The following CFAP299 variants were observed in gnomAD, a reference collection of about 807,000 sequenced individuals.
CFAP299 encodes the protein cilia and flagella associated protein 299.
CFAP299 carries 21 observed loss-of-function variants against 27.0 expected under a neutral mutation model. That is an observed-to-expected ratio of 0.78 (90% confidence interval 0.55 to 1.12). The LOEUF (loss-of-function observed/expected upper bound fraction) is 1.12. Ranked by LOEUF, CFAP299 falls within the 50% of genes most tolerant of loss-of-function variation. CFAP299 has a pLI of 0.00. For missense variants in CFAP299, 310 were observed against 276.6 expected, an observed-to-expected ratio of 1.12 and a Z score of -0.86; for synonymous variants, 104 against 98.1, an observed-to-expected ratio of 1.06 and a Z score of -0.36.
intron 3 of CFAP299, among the ~76,000 whole-genome samples, chr4:80,748,559 G>C (rs1724748175): frequency 6.6e-6 from 1 of 151,814 alleles, no homozygotes; most frequent in Non-Finnish European, 1.5e-5. Context: ...ACATAATACT[G>C]GTTCAAAACA....
intron 2 of CFAP299, among the ~76,000 whole-genome samples, chr4:80,575,573 T>C (rs954207988): frequency 2.0e-4 from 31 of 152,114 alleles, no homozygotes; most frequent in African/African-American, 7.5e-4. Flanking sequence ...TTGCTGATTG[T>C]ATCTTTTCAA....
At chr4:80,802,303 G>A (rs1728652154) in intron 3 of CFAP299, among the ~76,000 whole-genome samples, 1 of 151,932 alleles carries the variant, frequency 6.6e-6, no homozygotes, top group African/African-American at 2.4e-5. Flanking sequence ...TTTGAGGCCT[G>A]GCTTTACTCA....
chr4:80,851,130 G>T (rs1328246115), intron 3 of CFAP299, among the ~76,000 whole-genome samples: 1 of 152,040 alleles, frequency 6.6e-6, no homozygotes, highest in Non-Finnish European at 1.5e-5. Context: ...CTCAAAACTG[G>T]AGATAAACGA....
At chr4:80,714,648 A>AAT (rs1453114314) in intron 3 of CFAP299, among the ~76,000 whole-genome samples, 1 of 152,112 alleles carries the variant, frequency 6.6e-6, no homozygotes, top group Non-Finnish European at 1.5e-5. Context: ...GCTCTCCTTT[A>AAT]ACATTGGCAG....
intron 2 of CFAP299, among the ~76,000 whole-genome samples, chr4:80,435,083 G>A (rs1187357437): frequency 6.6e-6 from 1 of 152,180 alleles, no homozygotes; most frequent in African/African-American, 2.4e-5. Context: ...TAATTTCACA[G>A]AGAGTACTAT....
At chr4:80,401,483 G>A (rs1017870948) in intron 2 of CFAP299, among the ~76,000 whole-genome samples, 1 of 152,212 alleles carries the variant, frequency 6.6e-6, no homozygotes, top group African/African-American at 2.4e-5. Context: ...TTCAGAGGGG[G>A]GAAGCCCCAA....
intron 3 of CFAP299, among the ~76,000 whole-genome samples, chr4:80,828,089 A>C (rs1730084460): frequency 2.6e-5 from 4 of 152,086 alleles, no homozygotes; most frequent in Non-Finnish European, 5.9e-5. Flanking sequence ...ATGGAGCGAA[A>C]GACAGTATTG....
intron 3 of CFAP299, among the ~76,000 whole-genome samples, chr4:80,678,372 A>G (rs1045628507): frequency 3.3e-5 from 5 of 152,156 alleles, no homozygotes; most frequent in African/African-American, 9.6e-5. Flanking sequence ...TGTTTTTTCC[A>G]TCACAAACTA....
At chr4:80,606,422 C>G (rs996033427) in intron 3 of CFAP299, among the ~76,000 whole-genome samples, 2 of 152,114 alleles carry the variant, frequency 1.3e-5, no homozygotes, top group Admixed American at 1.3e-4. Flanking sequence ...GTAATCCCAG[C>G]TACTCGGGGG....
chr4:80,756,631 C>T, intron 3 of CFAP299, among the ~76,000 whole-genome samples: 1 of 151,878 alleles, frequency 6.6e-6, no homozygotes, highest in Admixed American at 6.6e-5. Context: ...TTTCAATGTC[C>T]ATACATAAAG....
rs60424138 is a variant in CFAP299 at position 80,791,769 on chromosome 4, A to G, written c.334-78224A>G. The stretch of plus-strand genomic sequence containing the variant: ...GTATTTTTACCTGAAGAAATGATCA[A>G]CATAAAATGTAGAATCTCATTGAAA... On this transcript the variant is annotated intron_variant, in intron 3 of 5. Transcript: ENST00000358105. Among the ~76,000 whole-genome samples the G allele has an allele frequency of 8.7e-3, 1,319 of 152,066 alleles. 19 individuals carry two copies. The highest frequency in any genetic ancestry group is 0.03 in the African/African-American group (1,246 of 41,518).
At chr4:80,465,449 G>A (rs566246906) in intron 2 of CFAP299, among the ~76,000 whole-genome samples, 2 of 152,306 alleles carry the variant, frequency 1.3e-5, no homozygotes, top group South Asian at 2.1e-4. Context: ...GTTGCAGAGG[G>A]TTATAGAGGC....
At chr4:80,829,575 G>A (rs1420500330) in intron 3 of CFAP299, among the ~76,000 whole-genome samples, 1 of 151,980 alleles carries the variant, frequency 6.6e-6, no homozygotes, top group East Asian at 1.9e-4. Context: ...TGATTTCTAA[G>A]TATGTAAGTA....
chr4:80,785,791 A>C (rs1054131718), intron 3 of CFAP299, among the ~76,000 whole-genome samples: 3 of 152,124 alleles, frequency 2.0e-5, no homozygotes, highest in Non-Finnish European at 2.9e-5. Context: ...CCCAATGGTT[A>C]CTGAGCTTAA....
intron 3 of CFAP299, among the ~76,000 whole-genome samples, chr4:80,696,377 A>G (rs1189986547): frequency 6.6e-6 from 1 of 152,116 alleles, no homozygotes; most frequent in East Asian, 1.9e-4. Flanking sequence ...TGTTCAGAGA[A>G]TAGACAGGAA....
chr4:80,476,953 G>GTGCA (rs1730305697), intron 2 of CFAP299, among the ~76,000 whole-genome samples: 1 of 127,884 alleles, frequency 7.8e-6, no homozygotes, highest in Non-Finnish European at 1.7e-5. Flanking sequence ...GCGTGTGTGT[G>GTGCA]CGCATGCGTG....
At chr4:80,606,693 A>G (rs1737695750) in intron 3 of CFAP299, among the ~76,000 whole-genome samples, 1 of 152,162 alleles carries the variant, frequency 6.6e-6, no homozygotes, top group Admixed American at 6.5e-5. Flanking sequence ...TGCTCTTTTC[A>G]TATAACAACA....
intron 2 of CFAP299, among the ~76,000 whole-genome samples, chr4:80,437,213 T>C (rs1728134603): frequency 6.6e-6 from 1 of 152,212 alleles, no homozygotes; most frequent in Non-Finnish European, 1.5e-5. Context: ...TGATATTGTA[T>C]TGAGTGGAAC....
At chr4:80,618,079 A>G (rs949280224) in intron 3 of CFAP299, among the ~76,000 whole-genome samples, 1 of 152,180 alleles carries the variant, frequency 6.6e-6, no homozygotes, top group Admixed American at 6.6e-5. Context: ...AGGTTGTCCT[A>G]TGCATGTTGC....
Sources: allele counts gnomAD v4.1 joint callset (sites outside exome capture counted in the v4.1 genomes callset), GRCh38; gene constraint gnomAD v4.1.1; transcripts MANE v1.5; gene names NCBI Gene and HGNC (gene_info 2026-07-23, HGNC 2026-07-21).